TMEM132C: variants seen among roughly 807,000 people sequenced by gnomAD.
The protein encoded by TMEM132C is protein phosphatase 1, regulatory subunit 152.
A neutral mutation model predicts 61.4 loss-of-function variants in TMEM132C; 29 were observed. The observed-to-expected ratio is 0.47, with a 90% CI of 0.35 to 0.64. The LOEUF (loss-of-function observed/expected upper bound fraction) is 0.64, where lower values mean the gene tolerates loss of function less well. TMEM132C is among the 30% of genes least tolerant of loss of function. The probability of loss-of-function intolerance (pLI) is 0.00; values close to 1 mark genes in which losing one functional copy is unlikely to be tolerated. For missense variants in TMEM132C, 1,408 were observed against 1,476.9 expected (o/e 0.95, Z 0.76); for synonymous variants, 656 against 633.1 (o/e 1.04, Z -0.54).
intron 4 of TMEM132C, among the ~76,000 whole-genome samples, chr12:128,634,492 A>T (rs986917861): frequency 6.6e-6 from 1 of 152,248 alleles, no homozygotes; most frequent in African/African-American, 2.4e-5. Context: ...GCTTCTTCGT[A>T]ATTCATTATG....
intron 2 of TMEM132C, among the ~76,000 whole-genome samples, chr12:128,443,268 G>C (rs1180844157): frequency 1.3e-5 from 2 of 152,030 alleles, no homozygotes; most frequent in East Asian, 3.9e-4. Context: ...GGACTTGGAG[G>C]GGGAAGGCTG....
intron 3 of TMEM132C, among the ~76,000 whole-genome samples, chr12:128,555,965 C>T (rs1233570980): frequency 6.6e-6 from 1 of 152,130 alleles, no homozygotes; most frequent in East Asian, 1.9e-4. Flanking sequence ...GATCCTCCCA[C>T]CTCGGCCTCC....
intron 1 of TMEM132C, among the ~76,000 whole-genome samples, chr12:128,350,115 C>G (rs1353278324): frequency 2.0e-5 from 3 of 152,194 alleles, no homozygotes; most frequent in Admixed American, 2.0e-4. Context: ...TATGAATTAT[C>G]AAAAATGAAG....
chr12:128,555,953 G>A lies in TMEM132C; in HGVS notation c.1121+11850G>A, dbSNP rs1212538936. On this transcript the variant is annotated intron_variant, in intron 3 of 8. Transcript: ENST00000435159. ...GGTTGGCCTCAAACTCTTGGGCTCA[G>A]TGATCCTCCCACCTCGGCCTCCCAA... 3.9e-5 allele frequency among the ~76,000 whole-genome samples: 6 copies of A among 152,182 alleles called. No homozygotes were observed. The South Asian group carries it at 1.0e-3, about 26-fold the overall frequency.
At chr12:128,614,505 AC>A (rs1272380920) in intron 3 of TMEM132C, among the ~76,000 whole-genome samples, 1 of 152,148 alleles carries the variant, frequency 6.6e-6, no homozygotes, top group Non-Finnish European at 1.5e-5. Context: ...ATATTTGACC[AC>A]CAGCTGTCTT....
chr12:128,601,424 G>T (rs908196596), intron 3 of TMEM132C, among the ~76,000 whole-genome samples: 2 of 152,236 alleles, frequency 1.3e-5, no homozygotes, highest in Admixed American at 1.3e-4. Flanking sequence ...CGATCACGGG[G>T]AGTAGAACGG....
At chr12:128,360,280 A>C (rs539259698) in intron 1 of TMEM132C, among the ~76,000 whole-genome samples, 80 of 146,444 alleles carry the variant, frequency 5.5e-4, no homozygotes, top group Non-Finnish European at 7.8e-4. Context: ...ACACACACAC[A>C]CCCCAGGATA....
intron 2 of TMEM132C, among the ~76,000 whole-genome samples, chr12:128,453,100 C>T (rs1054308477): frequency 2.6e-5 from 4 of 152,134 alleles, no homozygotes; most frequent in Admixed American, 1.3e-4. Flanking sequence ...CAGACAAGAC[C>T]GTGTTGATTC....
At chr12:128,567,946 G>A (rs1481524839) in intron 3 of TMEM132C, among the ~76,000 whole-genome samples, 2 of 152,208 alleles carry the variant, frequency 1.3e-5, no homozygotes, top group East Asian at 1.9e-4. Context: ...TCTCAGCCAC[G>A]TGGCCTAGAG....
chr12:128,565,136 C>T (rs2136166554), intron 3 of TMEM132C, among the ~76,000 whole-genome samples: 1 of 152,272 alleles, frequency 6.6e-6, no homozygotes, highest in Admixed American at 6.5e-5. Context: ...GCTGGCAGAG[C>T]CCGCCTGGCA....
chr12:128,503,048 G>A (rs1411320478), intron 2 of TMEM132C, among the ~76,000 whole-genome samples: 1 of 152,174 alleles, frequency 6.6e-6, no homozygotes, highest in Non-Finnish European at 1.5e-5. Context: ...GCTAAAATGT[G>A]TCTCATTATT....
chr12:128,541,700 G>A (rs1345387054), intron 2 of TMEM132C, among the ~76,000 whole-genome samples: 1 of 152,196 alleles, frequency 6.6e-6, no homozygotes, highest in African/African-American at 2.4e-5. Context: ...CTAAAAGGCT[G>A]TGAGAGGCTC....
intron 3 of TMEM132C, among the ~76,000 whole-genome samples, chr12:128,549,863 A>C (rs1164957884): frequency 6.6e-6 from 1 of 152,034 alleles, no homozygotes; most frequent in Non-Finnish European, 1.5e-5. Context: ...CATGGGGGGA[A>C]CCGAGACATG....
In TMEM132C at chr12:128,706,947, C is replaced by A. The variant is rs1485087670; in HGVS notation, c.*652C>A. The A allele has an allele frequency of 2.0e-5, 3 of 152,176 alleles. No individual in the cohort carries two copies. The highest frequency in any genetic ancestry group is 7.2e-5 in the African/African-American group (3 of 41,422). 9.4% of individuals were successfully genotyped at this position (152,176 alleles called of 1,614,324 possible). On this transcript the variant is annotated 3_prime_UTR_variant, in exon 9 of 9. Coordinates refer to ENST00000435159, the MANE Select transcript of TMEM132C (RefSeq NM_001136103.3). Reference sequence around the variant, plus strand: ...TTAATGTTTATTTCTGAGAATCAAGCAGTATATTTTTCCTAAATGAAACAT... The same window carrying A: ...TTAATGTTTATTTCTGAGAATCAAGAAGTATATTTTTCCTAAATGAAACAT...
chr12:128,622,974 G>A (rs935681245), intron 4 of TMEM132C, among the ~76,000 whole-genome samples: 2 of 152,088 alleles, frequency 1.3e-5, no homozygotes, highest in Non-Finnish European at 2.9e-5. Flanking sequence ...GACAGAATAA[G>A]TATTTTCTTG....
intron 2 of TMEM132C, among the ~76,000 whole-genome samples, chr12:128,538,361 T>A (rs548107271): frequency 6.6e-6 from 1 of 152,266 alleles, no homozygotes; most frequent in South Asian, 2.1e-4. Flanking sequence ...TGACCTCAGG[T>A]GATCTGCCCG....
chr12:128,391,302 A>T (rs1412176575), intron 1 of TMEM132C, among the ~76,000 whole-genome samples: 2 of 152,152 alleles, frequency 1.3e-5, no homozygotes, highest in Non-Finnish European at 2.9e-5. Context: ...CATTTTTCCG[A>T]CAACTTACTC....
intron 6 of TMEM132C, among the ~76,000 whole-genome samples, chr12:128,694,505 ACTGT>A (rs1452956749): frequency 6.6e-6 from 1 of 152,116 alleles, no homozygotes; most frequent in Non-Finnish European, 1.5e-5. Context: ...GGGATTCCGG[ACTGT>A]CTGTCTGTCA....
chr12:128,594,681 A>T (rs147967035), intron 3 of TMEM132C, among the ~76,000 whole-genome samples: 1 of 152,258 alleles, frequency 6.6e-6, no homozygotes, highest in East Asian at 1.9e-4. Flanking sequence ...TTCAACAAGG[A>T]TGATGTTTTC....
Sources: allele counts gnomAD v4.1 joint callset (sites outside exome capture counted in the v4.1 genomes callset), GRCh38; gene constraint gnomAD v4.1.1; transcripts MANE v1.5; gene names NCBI Gene and HGNC (gene_info 2026-07-23, HGNC 2026-07-21).